The following DNAJC10 variants were observed in gnomAD, a reference collection of about 807,000 sequenced individuals.
The protein encoded by DNAJC10 is endoplasmic reticulum disulfide reductase DNAJC10.
DNAJC10 carries 101 observed loss-of-function variants against 115.0 expected under a neutral mutation model. The ratio of observed to expected loss-of-function variants is 0.88; its 90% confidence interval spans 0.75 to 1.04. DNAJC10 has a LOEUF of 1.04. Ranked by LOEUF, DNAJC10 falls within the 50% of genes least tolerant of loss-of-function variation. DNAJC10 has a pLI of 0.00. For synonymous variants in DNAJC10, 307 were observed against 301.5 expected (o/e 1.02, Z -0.19); for missense variants, 981 against 928.8 (o/e 1.06, Z -0.73).
At chr2:182,767,156 A>G (rs1357088830) in intron 22 of DNAJC10, among the ~76,000 whole-genome samples, 1 of 152,102 alleles carries the variant, frequency 6.6e-6, no homozygotes, top group Non-Finnish European at 1.5e-5. Flanking sequence ...TTTCAGGTGG[A>G]GATAATGGGC....
In DNAJC10 at chr2:182,790,522, A is replaced by C. The variant is rs1695030484; in HGVS notation, c.*13390A>C. 6.6e-6 allele frequency: 1 copy of C among 152,160 alleles called. No homozygotes were observed. The highest frequency in any genetic ancestry group is 1.5e-5 in the Non-Finnish European group (1 of 68,038). The allele number at this position is 152,160 out of a possible 1,614,324, so 9.4% of individuals were successfully genotyped here. A position where few individuals can be genotyped will look rare whatever the true frequency, so the allele number is the denominator to read the frequency against. ...TAGTAAGGGCCAGGCACAGTGGCTC[A>C]CACCTGAAATCCCAGCGCTTTGGGA... On this transcript the variant is annotated 3_prime_UTR_variant, in exon 24 of 24. Coordinates refer to ENST00000264065, the MANE Select transcript of DNAJC10 (RefSeq NM_018981.4).
intron 3 of DNAJC10, among the ~76,000 whole-genome samples, chr2:182,718,957 G>A (rs1693072725): frequency 1.3e-5 from 2 of 152,006 alleles, no homozygotes; most frequent in Admixed American, 6.6e-5. Flanking sequence ...TTTCTAGGTA[G>A]AAGTTTTAAA....
intron 3 of DNAJC10, among the ~76,000 whole-genome samples, chr2:182,719,701 CTTA>C (rs144300511): frequency 0.012 from 1,741 of 151,066 alleles, 28 homozygotes; most frequent in African/African-American, 0.04. Context: ...TTTCAACAGG[CTTA>C]TTATTTTCAG....
chr2:182,746,387 C>T (rs1304846789), intron 14 of DNAJC10, among the ~76,000 whole-genome samples: 9 of 152,284 alleles, frequency 5.9e-5, no homozygotes, highest in African/African-American at 1.9e-4. Context: ...ACATCCTCTC[C>T]AGCACCTGTT....
chr2:182,755,324 G>A (rs1694130104), intron 17 of DNAJC10, among the ~76,000 whole-genome samples: 1 of 151,908 alleles, frequency 6.6e-6, no homozygotes, highest in African/African-American at 2.4e-5. Context: ...GGTATGTACA[G>A]TGCCTTATAA....
intron 16 of DNAJC10, among the ~76,000 whole-genome samples, chr2:182,753,237 CGA>C (rs1212080903): frequency 2.6e-5 from 4 of 151,836 alleles, no homozygotes; most frequent in Non-Finnish European, 5.9e-5. Flanking sequence ...TATGAATACG[CGA>C]GAGTTTGTTG....
rs527484471 is a variant in DNAJC10, at chr2:182,759,727, T to A, written c.2145+420T>A. Among the ~76,000 whole-genome samples, 3 of 152,244 alleles carry A rather than the reference T, an allele frequency of 2.0e-5. No individual in the cohort carries two copies. In the South Asian group the frequency reaches 6.2e-4, roughly 32 times the overall value. On this transcript the variant is annotated intron_variant, in intron 21 of 23. Transcript: ENST00000264065. The stretch of plus-strand genomic sequence containing the variant: ...ACCCTTTATCATCTCTTGTCTAGAC[T>A]TAACCATATTTGCCTTTTAAGTGCA...
chr2:182,740,553 A>G (rs1053994744), intron 12 of DNAJC10, among the ~76,000 whole-genome samples, 165 bp downstream of exon 12: 4 of 152,198 alleles, frequency 2.6e-5, no homozygotes, highest in Admixed American at 6.5e-5. Flanking sequence ...CTAATTGGAT[A>G]TCTGGTGTTG....
At chr2:182,742,337 A>G (rs1019821887) in intron 13 of DNAJC10, among the ~76,000 whole-genome samples, 23 of 152,070 alleles carry the variant, frequency 1.5e-4, no homozygotes, top group Non-Finnish European at 3.4e-4. Flanking sequence ...CTACAGGCGC[A>G]TGCCACCAAG....
intron 5 of DNAJC10, among the ~76,000 whole-genome samples, chr2:182,724,594 A>G (rs2105612470): frequency 6.6e-6 from 1 of 152,356 alleles, no homozygotes; most frequent in East Asian, 1.9e-4. Context: ...CTACATTTCA[A>G]GTATAAGATA....
Position 182,790,900 on chromosome 2 carries a change from T to C in DNAJC10, c.*13768T>C, listed in dbSNP as rs1375179011. On this transcript the variant is annotated 3_prime_UTR_variant, in exon 24 of 24. Coordinates refer to ENST00000264065, the MANE Select transcript of DNAJC10 (RefSeq NM_018981.4). ...ACTAAGCTGACTTATTTTCTGACTT[T>C]TCCTTTGCTTTATTCTCTTATTTCT... 1.3e-5 allele frequency: 2 copies of C among 152,198 alleles called. No homozygotes were observed. Among genetic ancestry groups the C allele is most frequent in the Non-Finnish European group, 2.9e-5 (2 of 68,022 alleles). The allele number at this position is 152,198 out of a possible 1,614,324, so 9.4% of individuals were successfully genotyped here.
intron 4 of DNAJC10, 138 bp downstream of exon 4, chr2:182,720,307 T>C (rs1178951993): frequency 4.4e-6 from 3 of 686,186 alleles, no homozygotes; most frequent in Non-Finnish European, 7.5e-6. Context: ...GGAGTGAAAT[T>C]TAAAAGGAAT....
At chr2:182,766,519 G>C (rs757238519) in intron 22 of DNAJC10, among the ~76,000 whole-genome samples, 14 of 152,154 alleles carry the variant, frequency 9.2e-5, no homozygotes, top group Non-Finnish European at 2.1e-4. Flanking sequence ...TTGGTTGCAT[G>C]CTGCCTTCTA....
chr2:182,739,974 T>G, intron 11 of DNAJC10: 2 of 999,042 alleles, frequency 2.0e-6, no homozygotes, highest in South Asian at 8.9e-5. Context: ...GTGGTTTTTC[T>G]TGATGATTGG....
intron 9 of DNAJC10, among the ~76,000 whole-genome samples, chr2:182,732,233 G>A (rs1693465406): frequency 6.6e-6 from 1 of 151,986 alleles, no homozygotes; most frequent in African/African-American, 2.4e-5. Flanking sequence ...AACCTAAAGA[G>A]AGAAAATTAC....
chr2:182,748,632 T>G (rs1276214720), intron 14 of DNAJC10, among the ~76,000 whole-genome samples: 2 of 152,186 alleles, frequency 1.3e-5, no homozygotes, highest in Non-Finnish European at 2.9e-5. Flanking sequence ...TTTTTCCTTA[T>G]TAGTCTTGCT....
At chr2:182,724,153 G>A (rs1171720801) in intron 5 of DNAJC10, among the ~76,000 whole-genome samples, 4 of 152,194 alleles carry the variant, frequency 2.6e-5, no homozygotes, top group African/African-American at 9.7e-5. Context: ...AGTAAGGATT[G>A]CGGGGATTAA....
intron 4 of DNAJC10, 40 bp from the exon 5 acceptor site, chr2:182,721,985 A>C: frequency 8.5e-7 from 1 of 1,170,240 alleles, no homozygotes; most frequent in African/African-American, 1.6e-5. Context: ...TTATATGGTG[A>C]AGTTTTGATT....
At position 182,781,404 on chromosome 2, in the gene DNAJC10, A is replaced by G. The variant is rs1694843057; in HGVS notation, c.*4272A>G. Reference sequence around the variant, plus strand: ...TTGGTTCCAAGTGTTTCCTATTGTGAATAGTGCTCCAATAAACATACGTGT... The same window carrying G: ...TTGGTTCCAAGTGTTTCCTATTGTGGATAGTGCTCCAATAAACATACGTGT... On this transcript the variant is annotated 3_prime_UTR_variant, in exon 24 of 24. Coordinates refer to ENST00000264065, the MANE Select transcript of DNAJC10 (RefSeq NM_018981.4). 1 of 152,192 alleles carries G rather than the reference A, an allele frequency of 6.6e-6. No individual in the cohort carries two copies. The highest frequency in any genetic ancestry group is 2.4e-5 in the African/African-American group (1 of 41,442). The allele number at this position is 152,192 out of a possible 1,614,324, so 9.4% of individuals were successfully genotyped here. A position where few individuals can be genotyped will look rare whatever the true frequency, so the allele number is the denominator to read the frequency against.
Sources: allele counts gnomAD v4.1 joint callset (sites outside exome capture counted in the v4.1 genomes callset), GRCh38; gene constraint gnomAD v4.1.1; transcripts MANE v1.5; gene names NCBI Gene and HGNC (gene_info 2026-07-23, HGNC 2026-07-21).